Variants in ZBTB20 observed in about 807,000 individuals in gnomAD.
ZBTB20 encodes zinc finger and BTB domain containing 20.
In ZBTB20, 9 loss-of-function variants were observed where a neutral mutation model predicts 56.9. That is an observed-to-expected ratio of 0.16 (90% CI 0.10 to 0.28). ZBTB20 has a LOEUF of 0.28. ZBTB20 is among the 10% of genes least tolerant of loss of function. The pLI is 1.00. For missense variants in ZBTB20, 655 were observed against 1,003.0 expected (o/e 0.65, Z 4.69); for synonymous variants, 417 against 420.7 (o/e 0.99, Z 0.11).
chr3:114,710,017 A>T (rs1456156555), intron 5 of ZBTB20, among the ~76,000 whole-genome samples: 2 of 152,062 alleles, frequency 1.3e-5, no homozygotes, highest in Non-Finnish European at 2.9e-5. Flanking sequence ...ATTCACATTG[A>T]TTTTTCCTAC....
chr3:114,496,723 G>A (rs990576152), intron 7 of ZBTB20, among the ~76,000 whole-genome samples: 4 of 152,186 alleles, frequency 2.6e-5, no homozygotes, highest in African/African-American at 9.7e-5. Flanking sequence ...TTCAACACCC[G>A]GCTGTGCATA....
At chr3:115,048,401 T>C (rs1391130442) in intron 2 of ZBTB20, among the ~76,000 whole-genome samples, 1 of 152,176 alleles carries the variant, frequency 6.6e-6, no homozygotes, top group African/African-American at 2.4e-5. Flanking sequence ...ACAACTCATT[T>C]TGAGACCATT....
At chr3:114,347,810 C>T (rs956262084) in intron 11 of ZBTB20, among the ~76,000 whole-genome samples, 16 of 152,150 alleles carry the variant, frequency 1.1e-4, no homozygotes, top group Admixed American at 7.9e-4. Context: ...GATATATGCA[C>T]ATTATTATTT....
At chr3:114,983,978 C>A (rs1410115637) in intron 2 of ZBTB20, among the ~76,000 whole-genome samples, 1 of 151,874 alleles carries the variant, frequency 6.6e-6, no homozygotes, top group Non-Finnish European at 1.5e-5. Flanking sequence ...GCCCAGTTGA[C>A]GTTCTTATCC....
At chr3:114,912,043 T>C (rs538597723) in intron 3 of ZBTB20, among the ~76,000 whole-genome samples, 2 of 150,020 alleles carry the variant, frequency 1.3e-5, no homozygotes, top group South Asian at 2.1e-4. Context: ...TCCATATAAG[T>C]GAACATCCAA....
At chr3:114,492,836 A>T (rs917996092) in intron 7 of ZBTB20, among the ~76,000 whole-genome samples, 4 of 152,248 alleles carry the variant, frequency 2.6e-5, no homozygotes, top group Non-Finnish European at 5.9e-5. Context: ...TCAGGAAATT[A>T]ACATTGGTGC....
At chr3:114,461,141 T>C (rs1001048269) in intron 7 of ZBTB20, among the ~76,000 whole-genome samples, 1 of 152,162 alleles carries the variant, frequency 6.6e-6, no homozygotes, top group Non-Finnish European at 1.5e-5. Context: ...AGGGTTTCAG[T>C]GTCCATTTCT....
intron 6 of ZBTB20, among the ~76,000 whole-genome samples, chr3:114,520,447 A>G (rs914829739): frequency 1.3e-5 from 2 of 152,198 alleles, no homozygotes; most frequent in Non-Finnish European, 2.9e-5. Context: ...AAATCAAGGT[A>G]TACCTGCAAT....
chr3:114,998,697 C>G (rs1228503943), intron 2 of ZBTB20, among the ~76,000 whole-genome samples: 1 of 151,640 alleles, frequency 6.6e-6, no homozygotes, highest in Non-Finnish European at 1.5e-5. Context: ...CTGAGCTTAC[C>G]TGACTTGGAT....
At chr3:114,494,637 CT>C (rs2043085325) in intron 7 of ZBTB20, among the ~76,000 whole-genome samples, 1 of 152,202 alleles carries the variant, frequency 6.6e-6, no homozygotes, top group Admixed American at 6.5e-5. Flanking sequence ...AGTTTAACCT[CT>C]TTGTCCTTCC....
chr3:115,050,048 G>A (rs1450174143), intron 2 of ZBTB20, among the ~76,000 whole-genome samples: 1 of 151,852 alleles, frequency 6.6e-6, no homozygotes, highest in Non-Finnish European at 1.5e-5. Context: ...AACAAGTGTT[G>A]AAAAAAATTC....
intron 5 of ZBTB20, among the ~76,000 whole-genome samples, chr3:114,715,526 T>C (rs947633487): frequency 2.6e-5 from 4 of 152,192 alleles, no homozygotes; most frequent in African/African-American, 9.7e-5. Context: ...TTTGCTACAA[T>C]AACACTGACA....
chr3:114,550,095 G>A (rs988528024), intron 6 of ZBTB20, among the ~76,000 whole-genome samples: 7 of 151,306 alleles, frequency 4.6e-5, no homozygotes, highest in Non-Finnish European at 1.0e-4. Context: ...CCGCCACCAT[G>A]CCTAGCTAAT....
chr3:114,657,467 C>T (rs1163662502), intron 6 of ZBTB20, among the ~76,000 whole-genome samples: 1 of 152,190 alleles, frequency 6.6e-6, no homozygotes, highest in Non-Finnish European at 1.5e-5. Context: ...TCTCCAGGCA[C>T]TTATAGGCTC....
chr3:114,350,716 C>G lies in ZBTB20; in HGVS notation c.1362G>C (p.Lys454Asn). 6.2e-7 allele frequency: 1 copy of G among 1,614,218 alleles called. No individual in the cohort carries two copies. Among genetic ancestry groups the G allele is most frequent in the Non-Finnish European group, 8.5e-7 (1 of 1,180,032 alleles). Residue 454 changes from lysine (K) to asparagine (N), a missense_variant, in exon 11 of 12, where the codon AAG becomes AAC. Transcript: ENST00000675478. Reference protein sequence around the residue: ...TVITVSNSSDKSVLQQPSVNT... With the variant: ...TVITVSNSSDNSVLQQPSVNT... The stretch of plus-strand genomic sequence containing the variant: ...TGACCGAAGGCTGTTGTAGGACGCT[C>G]TTGTCGGAGCTGTTGCTGACAGTGA...
intron 6 of ZBTB20, among the ~76,000 whole-genome samples, chr3:114,680,876 C>T (rs373588009): frequency 3.9e-5 from 6 of 152,186 alleles, no homozygotes; most frequent in African/African-American, 1.2e-4. Context: ...ACTGCCTCCA[C>T]ACAGTCTTCA....
intron 7 of ZBTB20, among the ~76,000 whole-genome samples, chr3:114,471,403 T>C (rs920571740): frequency 6.6e-6 from 1 of 152,070 alleles, no homozygotes; most frequent in Non-Finnish European, 1.5e-5. Context: ...TCCCAGAATA[T>C]GGGAACAAAA....
chr3:114,951,551 A>G (rs2077068027), intron 3 of ZBTB20, among the ~76,000 whole-genome samples: 1 of 152,140 alleles, frequency 6.6e-6, no homozygotes, highest in African/African-American at 2.4e-5. Context: ...GTTCACTGGT[A>G]TACACACAGG....
chr3:114,817,130 G>A (rs182429117), intron 4 of ZBTB20, among the ~76,000 whole-genome samples: 7 of 151,658 alleles, frequency 4.6e-5, no homozygotes, highest in East Asian at 3.9e-4. Flanking sequence ...ATATGACTCC[G>A]TGTGTGTGTG....
Sources: gnomAD v4.1 joint callset for allele counts (sites outside exome capture counted in the v4.1 genomes callset) on GRCh38, gnomAD v4.1.1 for gene constraint, MANE v1.5 for transcripts, NCBI Gene and HGNC (gene_info 2026-07-23, HGNC 2026-07-21) for gene names.